GPR17: variants seen among roughly 807,000 people sequenced by gnomAD.
GPR17 encodes the protein G protein-coupled receptor 17.
Under a neutral mutation model 1.5 loss-of-function variants are expected in GPR17, and 4 were observed. The ratio of observed to expected loss-of-function variants is 2.73; its 90% CI spans 1.35 to 6.25. GPR17 has a LOEUF of 6.25. Among genes scored for constraint, GPR17 ranks in the 30% most tolerant of loss-of-function variants. The pLI is 0.00. For synonymous variants in GPR17, 209 were observed against 207.6 expected (o/e 1.01, Z -0.06); for missense variants, 463 against 462.1 (o/e 1.00, Z -0.02).
intron 1 of GPR17, chr2:127,650,409 G>T (rs566269595): frequency 3.8e-6 from 2 of 529,868 alleles, no homozygotes. Flanking sequence ...CCCATTCCCC[G>T]CCATGGCACT....
Position 127,650,136 on chromosome 2 carries a change from G to A in GPR17, c.-20-580G>A, listed in dbSNP as rs1168533894. On this transcript the variant is annotated intron_variant, in intron 1 of 1. Transcript: ENST00000486700. ...TACAGCCCTTGCTGCCATCCTGGGG[G>A]CACCCTCCTAAGTGCCAGGGGCAAG... The A allele has an allele frequency of 7.5e-6, 11 of 1,470,794 alleles. No individual in the cohort carries two copies. The African/African-American group carries it at 8.4e-5, about 11-fold the overall frequency. 91.1% of individuals were successfully genotyped at this position (1,470,794 alleles called of 1,614,324 possible).
intron 1 of GPR17, chr2:127,649,866 T>A: frequency 1.4e-6 from 1 of 691,800 alleles, no homozygotes; most frequent in Non-Finnish European, 2.4e-6. Flanking sequence ...GGCCAGTGTC[T>A]CTGACGCTGG....
intron 1 of GPR17, chr2:127,649,980 TCTC>T: frequency 1.9e-6 from 3 of 1,587,988 alleles, no homozygotes; most frequent in Non-Finnish European, 2.6e-6. Context: ...GGCACAGGCT[TCTC>T]CTAAACACAG....
rs966680336 is a variant in GPR17, at chr2:127,647,045, G to A, written c.-21+801G>A. ...GGCAGGAAGTGGAGGGCAGTGCCCA[G>A]GCTGAGGCCCCCGGGCTGGAGGCAG... On this transcript the variant is annotated intron_variant, in intron 1 of 1. Coordinates refer to ENST00000486700, the MANE Select transcript of GPR17 (RefSeq NM_001161417.2). The surrounding 1 kb of genome is among the most constrained non-coding windows in gnomAD (Gnocchi z 4.3). 6.6e-6 allele frequency among the ~76,000 whole-genome samples: 1 copy of A among 152,224 alleles called. No homozygotes were observed. The highest frequency in any genetic ancestry group is 2.4e-5 in the African/African-American group (1 of 41,464).
At chr2:127,648,702 A>C (rs572337792) in intron 1 of GPR17, among the ~76,000 whole-genome samples, 2 of 152,128 alleles carry the variant, frequency 1.3e-5, no homozygotes, top group African/African-American at 4.8e-5. Flanking sequence ...AGAGAGGATC[A>C]CTTGAGCCCA....
At chr2:127,649,190 A>AGGAAGGAAGGAAGGAAGGAG (rs1558878484) in intron 1 of GPR17, among the ~76,000 whole-genome samples, 42 of 151,432 alleles carry the variant, frequency 2.8e-4, no homozygotes, top group African/African-American at 9.7e-4. Flanking sequence ...GAAGGAAGGA[A>AGGAAGGAAGGAAGGAAGGAG]GGAAGGAAGG....
At chr2:127,648,050 GC>G in intron 1 of GPR17, 1 of 985,762 alleles carries the variant, frequency 1.0e-6, no homozygotes, top group Non-Finnish European at 1.2e-6. Flanking sequence ...GCCTTCTTCG[GC>G]CCTCAGCTCT....
chr2:127,648,154 G>C (rs953849501), intron 1 of GPR17: 1 of 985,364 alleles, frequency 1.0e-6, no homozygotes, highest in African/African-American at 1.7e-5. Context: ...GATTCCTGGG[G>C]AATGGGGTCC....
At chr2:127,646,849 A>G (rs886911252) in intron 1 of GPR17, among the ~76,000 whole-genome samples, 7 of 152,264 alleles carry the variant, frequency 4.6e-5, no homozygotes, top group Non-Finnish European at 7.3e-5. Flanking sequence ...AAAGGGCAAC[A>G]GAGAGTGAAG....
rs2105279226 is a variant in GPR17, at chr2:127,651,878, C to G, written c.*123C>G. 4.6e-6 allele frequency: 4 copies of G among 878,322 alleles called. No individual in the cohort carries two copies. In the Admixed American group the frequency reaches 1.0e-4, roughly 23 times the overall value. The allele number at this position is 878,322 out of a possible 1,614,324, so 54.4% of individuals were successfully genotyped here. A position where few individuals can be genotyped will look rare whatever the true frequency, so the allele number is the denominator to read the frequency against. On this transcript the variant is annotated 3_prime_UTR_variant, in exon 2 of 2. Coordinates refer to ENST00000486700, the MANE Select transcript of GPR17 (RefSeq NM_001161417.2). The stretch of plus-strand genomic sequence containing the variant: ...ACCTGAAATCTCAGCAGATGCCCAC[C>G]ATTTCTCTAGATCGCCTAGTCTCAA...
chr2:127,647,809 C>T lies in GPR17; in HGVS notation c.-21+1565C>T, dbSNP rs1333416613. 2.6e-5 allele frequency among the ~76,000 whole-genome samples: 4 copies of T among 152,038 alleles called. No homozygotes were observed. Among genetic ancestry groups the T allele is most frequent in the African/African-American group, 9.7e-5 (4 of 41,368 alleles). On this transcript the variant is annotated intron_variant, in intron 1 of 1. Transcript: ENST00000486700. This position sits in a 1 kb window ranked among gnomAD's most constrained non-coding sequence, Gnocchi z 4.3. ...CCTGGAGCCCTGTTCCTCCAGTCTC[C>T]GGGTCCTCACCCCCAGCACATGCAA... is the stretch of plus-strand genomic sequence containing the variant.
chr2:127,649,698 T>C (rs1683501727), intron 1 of GPR17, among the ~76,000 whole-genome samples: 1 of 152,136 alleles, frequency 6.6e-6, no homozygotes, highest in Non-Finnish European at 1.5e-5. Context: ...GTTTCTCTGC[T>C]GAGGGTGGGG....
intron 1 of GPR17, chr2:127,649,981 C>T: frequency 6.3e-7 from 1 of 1,590,058 alleles, no homozygotes; most frequent in Non-Finnish European, 8.6e-7. Context: ...GCACAGGCTT[C>T]TCCTAAACAC....
chr2:127,649,149 G>C (rs1225129879), intron 1 of GPR17, among the ~76,000 whole-genome samples: 3 of 96,860 alleles, frequency 3.1e-5, no homozygotes, highest in Non-Finnish European at 6.9e-5. Context: ...AAAGCGAAGT[G>C]AGAGAGAGAG....
In GPR17 at chr2:127,652,071, T is replaced by G; in HGVS notation, c.*316T>G. The stretch of plus-strand genomic sequence containing the variant: ...TGGAGGCCTTTCTTTCCCGCTAGGC[T>G]CCCAGCCTCCTTCCCGCTACAGAAT... On this transcript the variant is annotated 3_prime_UTR_variant, in exon 2 of 2. Transcript: ENST00000486700. The G allele has an allele frequency of 2.7e-6, 1 of 364,378 alleles. No homozygotes were observed. The allele number at this position is 364,378 out of a possible 1,614,324, so 22.6% of individuals were successfully genotyped here.
In GPR17 at chr2:127,652,107, C is replaced by A; in HGVS notation, c.*352C>A. 2 of 295,178 alleles carry A rather than the reference C, an allele frequency of 6.8e-6. No individual in the cohort carries two copies. 18.3% of individuals were successfully genotyped at this position (295,178 alleles called of 1,614,324 possible). A position where few individuals can be genotyped will look rare whatever the true frequency, so the allele number is the denominator to read the frequency against. ...TTCCCGCTACAGAATCGCTCATCGG[C>A]GAGGCTCAGCAGAAAGACCCTGAAG... On this transcript the variant is annotated 3_prime_UTR_variant, in exon 2 of 2. Coordinates refer to ENST00000486700, the MANE Select transcript of GPR17 (RefSeq NM_001161417.2).
rs1460273689 is a variant in GPR17 at position 127,652,051 on chromosome 2, G to A, written c.*296G>A. ...GAAGAACAACCCCTGAACAATGGAG[G>A]CCTTTCTTTCCCGCTAGGCTCCCAG... On this transcript the variant is annotated 3_prime_UTR_variant, in exon 2 of 2. Coordinates refer to ENST00000486700, the MANE Select transcript of GPR17 (RefSeq NM_001161417.2). The A allele has an allele frequency of 9.8e-6, 4 of 408,738 alleles. No homozygotes were observed. The highest frequency in any genetic ancestry group is 1.4e-5 in the Non-Finnish European group (3 of 219,880). 25.3% of individuals were successfully genotyped at this position (408,738 alleles called of 1,614,324 possible).
chr2:127,647,738 C>T lies in GPR17; in HGVS notation c.-21+1494C>T, dbSNP rs1683153339. On this transcript the variant is annotated intron_variant, in intron 1 of 1. Transcript: ENST00000486700. The surrounding 1 kb of genome is among the most constrained non-coding windows in gnomAD (Gnocchi z 4.3). The stretch of plus-strand genomic sequence containing the variant: ...CTGAAAACAGCACACCTGTGTGCCC[C>T]TCCCATCTACCATGGGCTGTCCTCT... Among the ~76,000 whole-genome samples, 1 of 152,098 alleles carries T rather than the reference C, an allele frequency of 6.6e-6. No homozygotes were observed.
At chr2:127,650,661 C>T (rs190276581) in intron 1 of GPR17, 55 bp from the exon 2 acceptor site, 12 of 1,246,022 alleles carry the variant, frequency 9.6e-6, no homozygotes, top group East Asian at 4.6e-5. Context: ...CTTCAGAGAG[C>T]GTGAAGCTGC....
Sources: gnomAD v4.1 joint callset for allele counts (sites outside exome capture counted in the v4.1 genomes callset) on GRCh38, gnomAD v4.1.1 for gene constraint, Gnocchi (gnomAD v3.1) non-coding constraint, MANE v1.5 for transcripts, NCBI Gene and HGNC (gene_info 2026-07-23, HGNC 2026-07-21) for gene names.